The following GRIK3 variants were observed in gnomAD, a reference collection of about 807,000 sequenced individuals.
GRIK3 encodes the protein glutamate receptor ionotropic, kainate 3.
In GRIK3, 29 loss-of-function variants were observed where a neutral mutation model predicts 102.5. The observed-to-expected ratio is 0.28, with a 90% CI of 0.21 to 0.39. The LOEUF (loss-of-function observed/expected upper bound fraction) is 0.39. Among genes scored for constraint, GRIK3 ranks in the 10% least tolerant of loss-of-function variants. GRIK3 has a pLI of 1.00. For missense variants in GRIK3, 908 were observed against 1,252.4 expected (o/e 0.73, Z 4.15); for synonymous variants, 511 against 504.9 (o/e 1.01, Z -0.16).
At chr1:37,033,433 C>G (rs1642851145) in intron 1 of GRIK3, among the ~76,000 whole-genome samples, 1 of 152,226 alleles carries the variant, frequency 6.6e-6, no homozygotes, top group Non-Finnish European at 1.5e-5. Context: ...AACCCCCGCC[C>G]CATGGCACGG....
chr1:36,895,507 G>T (rs1641162954), intron 1 of GRIK3, among the ~76,000 whole-genome samples: 1 of 152,184 alleles, frequency 6.6e-6, no homozygotes, highest in South Asian at 2.1e-4. Flanking sequence ...GAGTGCCTTT[G>T]ATGGGCTTGT....
intron 5 of GRIK3, among the ~76,000 whole-genome samples, chr1:36,860,735 A>G (rs1393914272): frequency 6.6e-6 from 1 of 152,202 alleles, no homozygotes; most frequent in Non-Finnish European, 1.5e-5. Flanking sequence ...AGGTGGAGGG[A>G]GAAGCCAGGT....
intron 1 of GRIK3, among the ~76,000 whole-genome samples, chr1:36,940,633 C>G (rs967902844): frequency 2.6e-5 from 4 of 152,188 alleles, no homozygotes; most frequent in African/African-American, 9.6e-5. Flanking sequence ...GCCTGCCTCC[C>G]GGGGCACTGC....
chr1:36,875,246 C>G (rs115073383), intron 3 of GRIK3, among the ~76,000 whole-genome samples: 92 of 152,310 alleles, frequency 6.0e-4, no homozygotes, highest in Admixed American at 1.1e-3. Flanking sequence ...TTTCCTTCAT[C>G]CCAGGTTTTT....
chr1:36,822,123 C>A (rs1376854530), intron 11 of GRIK3, among the ~76,000 whole-genome samples: 2 of 152,180 alleles, frequency 1.3e-5, no homozygotes. Context: ...GTGCACTCTG[C>A]TGGAAAATCA....
chr1:36,893,342 C>A (rs555429286), intron 1 of GRIK3, among the ~76,000 whole-genome samples: 18 of 151,968 alleles, frequency 1.2e-4, no homozygotes, highest in Non-Finnish European at 1.6e-4. Flanking sequence ...ACAAAAAGGA[C>A]GAATACTCCC....
intron 8 of GRIK3, among the ~76,000 whole-genome samples, chr1:36,852,728 A>T (rs1054258495): frequency 1.3e-5 from 2 of 152,042 alleles, no homozygotes; most frequent in Non-Finnish European, 2.9e-5. Context: ...TGGCCCCTCC[A>T]CTCTGCTGGC....
chr1:36,810,918 G>C (rs539806410), intron 13 of GRIK3, among the ~76,000 whole-genome samples: 1 of 152,350 alleles, frequency 6.6e-6, no homozygotes, highest in Non-Finnish European at 1.5e-5. Flanking sequence ...AGGCTTGCTT[G>C]TGGGGGGCTA....
At chr1:37,020,930 C>T (rs1301795586) in intron 1 of GRIK3, among the ~76,000 whole-genome samples, 1 of 152,128 alleles carries the variant, frequency 6.6e-6, no homozygotes, top group Non-Finnish European at 1.5e-5. Flanking sequence ...CTGAACCACA[C>T]GGTGCATCTG....
chr1:36,889,851 C>T (rs1030565038), intron 2 of GRIK3, among the ~76,000 whole-genome samples: 2 of 152,120 alleles, frequency 1.3e-5, no homozygotes, highest in Non-Finnish European at 2.9e-5. Context: ...GTTGTACCCA[C>T]GAGGGCCTCT....
intron 1 of GRIK3, among the ~76,000 whole-genome samples, chr1:36,906,289 C>G (rs983783944): frequency 6.6e-6 from 1 of 152,122 alleles, no homozygotes; most frequent in Non-Finnish European, 1.5e-5. Flanking sequence ...AAACCTAGCT[C>G]TATCCACTGG....
At chr1:37,017,310 G>A (rs1382980911) in intron 1 of GRIK3, among the ~76,000 whole-genome samples, 2 of 133,180 alleles carry the variant, frequency 1.5e-5, no homozygotes, top group Non-Finnish European at 3.1e-5. Context: ...GAGGCAGGAG[G>A]ATAACTTGAG....
At chr1:36,970,812 T>G (rs969770539) in intron 1 of GRIK3, among the ~76,000 whole-genome samples, 2 of 152,246 alleles carry the variant, frequency 1.3e-5, no homozygotes, top group Admixed American at 1.3e-4. Context: ...ATGTCTCTTA[T>G]ATTCCTCTTG....
At chr1:36,977,734 T>C (rs1450131576) in intron 1 of GRIK3, among the ~76,000 whole-genome samples, 1 of 149,582 alleles carries the variant, frequency 6.7e-6, no homozygotes, top group Non-Finnish European at 1.5e-5. Context: ...ATTTGAATGC[T>C]TCCTAATTCT....
intron 1 of GRIK3, among the ~76,000 whole-genome samples, chr1:36,940,067 C>T (rs1013310135): frequency 7.2e-5 from 11 of 152,320 alleles, no homozygotes; most frequent in African/African-American, 2.6e-4. Context: ...ACTTCCATGA[C>T]AGGTGGGAAC....
chr1:36,862,398 G>T (rs979318764), intron 5 of GRIK3, among the ~76,000 whole-genome samples: 4 of 151,974 alleles, frequency 2.6e-5, no homozygotes, highest in Non-Finnish European at 4.4e-5. Context: ...GTCCTCGGTG[G>T]GTGTCCAGGA....
intron 7 of GRIK3, among the ~76,000 whole-genome samples, chr1:36,854,206 G>A (rs1351395013): frequency 6.6e-6 from 1 of 152,186 alleles, no homozygotes; most frequent in Admixed American, 6.5e-5. Context: ...TGTGTGCTGT[G>A]GTTAAGAACT....
intron 1 of GRIK3, among the ~76,000 whole-genome samples, chr1:36,897,111 C>T (rs1388458485): frequency 6.6e-6 from 1 of 152,162 alleles, no homozygotes; most frequent in Non-Finnish European, 1.5e-5. Context: ...TCACTTTCAC[C>T]ACTTCTATTA....
intron 1 of GRIK3, among the ~76,000 whole-genome samples, chr1:36,897,173 G>A (rs1641181343): frequency 1.3e-5 from 2 of 152,114 alleles, no homozygotes; most frequent in Admixed American, 1.3e-4. Flanking sequence ...AAATGAAAAA[G>A]AAGGCATCCA....
Sources: allele counts gnomAD v4.1 joint callset (sites outside exome capture counted in the v4.1 genomes callset), GRCh38; gene constraint gnomAD v4.1.1; transcripts MANE v1.5; gene names NCBI Gene and HGNC (gene_info 2026-07-23, HGNC 2026-07-21).